The following SETD6 variants were observed in gnomAD, a reference collection of about 807,000 sequenced individuals.
SETD6 encodes N-lysine methyltransferase SETD6.
A neutral mutation model predicts 52.7 loss-of-function variants in SETD6; 67 were observed. The ratio of observed to expected loss-of-function variants is 1.27; its 90% CI spans 1.04 to 1.56. The LOEUF is 1.56. SETD6 is among the 40% of genes most tolerant of loss of function. The probability of loss-of-function intolerance (pLI) is 0.00; values close to 1 mark genes in which losing one functional copy is unlikely to be tolerated. For missense variants in SETD6, 712 were observed against 607.5 expected, an observed-to-expected ratio of 1.17 and a Z score of -1.81; for synonymous variants, 307 against 250.2, an observed-to-expected ratio of 1.23 and a Z score of -2.14.
In SETD6 at chr16:58,518,740, C is replaced by T. The variant is rs914560565; in HGVS notation, c.1133C>T (p.Ala378Val). 29 of 1,613,976 alleles carry T rather than the reference C, an allele frequency of 1.8e-5. No homozygotes were observed. The highest frequency in any genetic ancestry group is 2.5e-5 in the Non-Finnish European group (29 of 1,179,978). ...TTTLKVLCMP[A>V]EEFRELKDQD... ...TGCTTCTAGGTACTGTGCATGCCTG[C>T]TGAGGAGTTCAGAGAGCTTAAAGAC... The change falls in exon 8 of 8, where the codon GCT becomes GTT. Residue 378 changes from alanine to valine, a missense_variant. Transcript: ENST00000219315.
Position 58,515,966 on chromosome 16 carries a change from G to T in SETD6, c.203G>T (p.Arg68Leu). The change falls in exon 2 of 8, where the codon CGG (arginine) becomes CTG (leucine). Residue 68 changes from arginine to leucine, a missense_variant. Coordinates refer to ENST00000219315, the MANE Select transcript of SETD6 (RefSeq NM_001160305.4). ...TSPPAQVAVS[R>L]QGTVAGYGMV... ...CCTCCTGCTCAGGTGGCGGTCAGCC[G>T]GCAGGGCACGGTGGCCGGCTACGGC... 1 of 1,531,576 alleles carries T rather than the reference G, an allele frequency of 6.5e-7. No homozygotes were observed. The highest frequency in any genetic ancestry group is 1.4e-5 in the African/African-American group (1 of 70,428). 94.9% of individuals were successfully genotyped at this position (1,531,576 alleles called of 1,614,324 possible). A position where few individuals can be genotyped will look rare whatever the true frequency, so the allele number is the denominator to read the frequency against.
In SETD6 at chr16:58,518,936, C is replaced by G. The variant is rs1487710050; in HGVS notation, c.1329C>G (p.Val443=). ...TDQGLLSNKE[V]YAKLSWREQQ... ...AAGGTTTACTCAGTAATAAGGAAGT[C>G]TATGCGAAACTCAGCTGGAGGGAAC... Residue 443 remains valine (V), a synonymous_variant, in exon 8 of 8, where the codon GTC becomes GTG. Transcript: ENST00000219315. The G allele has an allele frequency of 6.2e-7, 1 of 1,614,172 alleles. No homozygotes were observed. The highest frequency in any genetic ancestry group is 8.5e-7 in the Non-Finnish European group (1 of 1,180,038).
upstream of SETD6, chr16:58,515,506 C>A: frequency 1.3e-6 from 2 of 1,572,560 alleles, no homozygotes; most frequent in East Asian, 2.4e-5. Flanking sequence ...CCGCGCGGTG[C>A]GCCGGCCCGC....
At position 58,521,888 on chromosome 16, in the gene SETD6, T is replaced by C. The variant is rs979488596; in HGVS notation, c.*2859T>C. 7.3e-5 allele frequency among the ~76,000 whole-genome samples: 11 copies of C among 150,520 alleles called. No homozygotes were observed. Among genetic ancestry groups the C allele is most frequent in the African/African-American group, 2.2e-4 (9 of 40,802 alleles). On this transcript the variant is annotated 3_prime_UTR_variant, in exon 8 of 8. Transcript: ENST00000219315. ...ATCGCTTGAACCCAGTAGGTGGAGG[T>C]TGTGGTGAGCCGAGATGGTGCCACT...
In SETD6 at chr16:58,516,312, G is replaced by C. The variant is rs1161665841; in HGVS notation, c.445G>C (p.Glu149Gln). Residue 149 changes from glutamate (E) to glutamine (Q), a missense_variant, in exon 3 of 8, where the codon GAG (glutamate) becomes CAG (glutamine). Coordinates refer to ENST00000219315, the MANE Select transcript of SETD6 (RefSeq NM_001160305.4). ...GAGGCCCTACTTTGCGCTCTGGCCC[G>C]AGCTGGGCCGCTTGGAGCACCCGAT... ...RWRPYFALWP[E>Q]LGRLEHPMFW... 2 of 1,607,122 alleles carry C rather than the reference G, an allele frequency of 1.2e-6. No individual in the cohort carries two copies. The highest frequency in any genetic ancestry group is 1.3e-5 in the African/African-American group (1 of 74,930).
rs780853584 is a variant in SETD6, at chr16:58,518,721, T to A, written c.1117-3T>A. On this transcript the variant is annotated splice_region_variant and splice_polypyrimidine_tract_variant and intron_variant, in intron 7 of 7. Coordinates refer to ENST00000219315, the MANE Select transcript of SETD6 (RefSeq NM_001160305.4). Reference sequence around the variant, plus strand: ...AATTAAAGAGCTCTGTGGTTGCTTCTAGGTACTGTGCATGCCTGCTGAGGA... The same window carrying A: ...AATTAAAGAGCTCTGTGGTTGCTTCAAGGTACTGTGCATGCCTGCTGAGGA... 160 of 1,612,984 alleles carry A rather than the reference T, an allele frequency of 9.9e-5. No homozygotes were observed. Among genetic ancestry groups the A allele is most frequent in the Non-Finnish European group, 1.3e-4 (150 of 1,179,584 alleles).
Position 58,516,354 on chromosome 16 carries a change from T to TG in SETD6, c.476+14dup, listed in dbSNP as rs762729642. The TG allele has an allele frequency of 2.5e-5, 41 of 1,609,880 alleles. No individual in the cohort carries two copies. In the South Asian group the frequency reaches 4.4e-4, roughly 17 times the overall value. ...GCACCCGATGTTCTGGTGAGAGCCT[T>TG]GGGAGGGGTTGGGGAGCGCCTGCAC... On this transcript the variant is annotated intron_variant, in intron 3 of 7. Transcript: ENST00000219315.
Position 58,523,617 on chromosome 16 carries a change from T to G in SETD6, c.*4588T>G, listed in dbSNP as rs2039483007. On this transcript the variant is annotated 3_prime_UTR_variant, in exon 8 of 8. Coordinates refer to ENST00000219315, the MANE Select transcript of SETD6 (RefSeq NM_001160305.4). ...AGAGGCTTTCAAATTAATCTTTGGT[T>G]TAAAGCAGTGGTTCTTGGGACCCCA... 6 of 929,736 alleles carry G rather than the reference T, an allele frequency of 6.5e-6. No homozygotes were observed. The East Asian group carries it at 1.5e-4, about 23-fold the overall frequency. The allele number at this position is 929,736 out of a possible 1,614,324, so 57.6% of individuals were successfully genotyped here.
chr16:58,515,483 A>T, upstream of SETD6: 1 of 1,544,492 alleles, frequency 6.5e-7, no homozygotes, highest in Admixed American at 2.0e-5. Flanking sequence ...GGGGCCAGAG[A>T]CGCCGGAAGT....
In SETD6 at chr16:58,520,058, T is replaced by C. The variant is rs2151883348; in HGVS notation, c.*1029T>C. On this transcript the variant is annotated 3_prime_UTR_variant, in exon 8 of 8. Coordinates refer to ENST00000219315, the MANE Select transcript of SETD6 (RefSeq NM_001160305.4). ...AAAATACAACACAGGGACCAATACATTTGCAAAACATTCAAAATCCTTATA... is the reference window on the plus strand; with the variant it reads ...AAAATACAACACAGGGACCAATACACTTGCAAAACATTCAAAATCCTTATA... 6.6e-6 allele frequency: 1 copy of C among 152,336 alleles called. No homozygotes were observed. The highest frequency in any genetic ancestry group is 6.5e-5 in the Admixed American group (1 of 15,308). 9.4% of individuals were successfully genotyped at this position (152,336 alleles called of 1,614,324 possible).
rs2039324150 is a variant in SETD6 at position 58,520,281 on chromosome 16, C to CT, written c.*1255dup. On this transcript the variant is annotated 3_prime_UTR_variant, in exon 8 of 8. Transcript: ENST00000219315. ...GGGCTTTAGGCCTGGTCTGGTTTCC[C>CT]TTTATATAAAGAGCTGACCCCCATC... 1 of 152,130 alleles carries CT rather than the reference C, an allele frequency of 6.6e-6. No homozygotes were observed. The highest frequency in any genetic ancestry group is 1.5e-5 in the Non-Finnish European group (1 of 68,096). 9.4% of individuals were successfully genotyped at this position (152,130 alleles called of 1,614,324 possible).
At chr16:58,517,254 T>C in intron 5 of SETD6, 1 of 376,006 alleles carries the variant, frequency 2.7e-6, no homozygotes, top group Non-Finnish European at 5.1e-6. Context: ...GATAGCAGCC[T>C]GGAACAGTGA....
rs1443339306 is a variant in SETD6 at position 58,516,637 on chromosome 16, C to CT, written c.637dup (p.Tyr213LeufsTer12). ...GCCTCAGGGTTCGCTCCCTAGAACT[C>CT]TACCACCAGCTGGTGGCCCTTGTGA... is the stretch of plus-strand genomic sequence containing the variant. On this transcript the variant is annotated frameshift_variant, in exon 4 of 8. Coordinates refer to ENST00000219315, the MANE Select transcript of SETD6 (RefSeq NM_001160305.4). LOFTEE classifies it high-confidence loss of function. The CT allele has an allele frequency of 2.5e-6, 4 of 1,614,118 alleles. No homozygotes were observed. Among genetic ancestry groups the CT allele is most frequent in the Non-Finnish European group, 3.4e-6 (4 of 1,179,980 alleles).
rs761998200 is a variant in SETD6 at position 58,518,749 on chromosome 16, TCA to T, written c.1143_1144del (p.Phe381LeufsTer4). 1.8e-5 allele frequency: 29 copies of T among 1,613,986 alleles called. No homozygotes were observed. The East Asian group carries it at 5.6e-4, about 31-fold the overall frequency. On this transcript the variant is annotated frameshift_variant, in exon 8 of 8. Transcript: ENST00000219315. LOFTEE classifies it high-confidence loss of function. The stretch of plus-strand genomic sequence containing the variant: ...GTACTGTGCATGCCTGCTGAGGAGT[TCA>T]GAGAGCTTAAAGACCAGGATGGAGG...
Position 58,516,577 on chromosome 16 carries a change from G to C in SETD6, c.576G>C (p.Val192=). 1 of 1,614,166 alleles carries C rather than the reference G, an allele frequency of 6.2e-7. No homozygotes were observed. Among genetic ancestry groups the C allele is most frequent in the African/African-American group, 1.3e-5 (1 of 75,044 alleles). ...TCCGCAGCGAGTACCAGTCCATCGT[G>C]CTGCCCTTCATGGAAGCCCACCCCG... ...ANIRSEYQSI[V]LPFMEAHPDL... Residue 192 remains valine (V), a synonymous_variant, in exon 4 of 8, where the codon GTG becomes GTC. Coordinates refer to ENST00000219315, the MANE Select transcript of SETD6 (RefSeq NM_001160305.4).
Position 58,523,200 on chromosome 16 carries a change from G to T in SETD6, c.*4171G>T. 2.0e-6 allele frequency: 1 copy of T among 504,028 alleles called. No individual in the cohort carries two copies. Among genetic ancestry groups the T allele is most frequent in the Non-Finnish European group, 3.2e-6 (1 of 317,314 alleles). 31.2% of individuals were successfully genotyped at this position (504,028 alleles called of 1,614,324 possible). ...GCGGAGGTTGCAGTGAGCCAAGATGGCGCCACTGTACTGCAGACTGAGTGA... is the reference window on the plus strand; with the variant it reads ...GCGGAGGTTGCAGTGAGCCAAGATGTCGCCACTGTACTGCAGACTGAGTGA... On this transcript the variant is annotated 3_prime_UTR_variant, in exon 8 of 8. Coordinates refer to ENST00000219315, the MANE Select transcript of SETD6 (RefSeq NM_001160305.4).
chr16:58,522,715 T>C lies in SETD6; in HGVS notation c.*3686T>C, dbSNP rs952807519. On this transcript the variant is annotated 3_prime_UTR_variant, in exon 8 of 8. Coordinates refer to ENST00000219315, the MANE Select transcript of SETD6 (RefSeq NM_001160305.4). The stretch of plus-strand genomic sequence containing the variant: ...GAGGAAAAGTCCAAGTTCCTTAACA[T>C]AGACTTCATAGGCCTGCATGATTTA... Among the ~76,000 whole-genome samples, 40 of 152,248 alleles carry C rather than the reference T, an allele frequency of 2.6e-4. No homozygotes were observed. Among genetic ancestry groups the C allele is most frequent in the African/African-American group, 8.9e-4 (37 of 41,468 alleles).
upstream of SETD6, chr16:58,515,497 C>A (rs765067529): frequency 3.8e-6 from 6 of 1,567,406 alleles, no homozygotes; most frequent in South Asian, 1.2e-5. Context: ...CGGAAGTGAC[C>A]GCGCGGTGCG....
intron 7 of SETD6, 77 bp from the exon 8 acceptor site, chr16:58,518,642 CTAAGA>C: frequency 1.3e-6 from 2 of 1,581,906 alleles, no homozygotes; most frequent in East Asian, 2.2e-5. Context: ...TTAATAAATG[CTAAGA>C]TGAGTTTAGT....
Sources: allele counts gnomAD v4.1 joint callset (sites outside exome capture counted in the v4.1 genomes callset), GRCh38; gene constraint gnomAD v4.1.1; transcripts MANE v1.5; gene names NCBI Gene and HGNC (gene_info 2026-07-23, HGNC 2026-07-21).